KAZN: variants seen among roughly 807,000 people sequenced by gnomAD.
KAZN encodes the protein kazrin.
In KAZN, 40 loss-of-function variants were observed where a neutral mutation model predicts 87.4. The observed-to-expected ratio is 0.46, with a 90% CI of 0.36 to 0.60. The LOEUF is 0.60. KAZN is among the 20% of genes least tolerant of loss of function. The pLI, the probability that KAZN is intolerant of heterozygous loss-of-function variation, is 0.00. For missense variants in KAZN, 898 were observed against 1,073.9 expected (o/e 0.84, Z 2.29); for synonymous variants, 466 against 458.3 (o/e 1.02, Z -0.22).
intron 1 of KAZN, among the ~76,000 whole-genome samples, chr1:14,886,675 C>T (rs1374152645): frequency 2.0e-5 from 3 of 152,016 alleles, no homozygotes; most frequent in Non-Finnish European, 4.4e-5. Context: ...CATGTAATCC[C>T]AGCTACTCCG....
At chr1:14,530,417 T>C (rs547978419) in intron 2 of KAZN, among the ~76,000 whole-genome samples, 2 of 152,290 alleles carry the variant, frequency 1.3e-5, no homozygotes, top group East Asian at 3.9e-4. Context: ...TCTTTACACA[T>C]CTCGATTTGG....
intron 2 of KAZN, among the ~76,000 whole-genome samples, chr1:14,537,036 T>G (rs1672542569): frequency 2.0e-5 from 3 of 152,360 alleles, no homozygotes; most frequent in African/African-American, 4.8e-5. Flanking sequence ...TTCTGTGTCA[T>G]AGTCCAGCAC....
Position 14,215,797 on chromosome 1 carries a change from T to G in KAZN, c.249+35205T>G, listed in dbSNP as rs184303110. The stretch of plus-strand genomic sequence containing the variant: ...CTCTAATCTATGTAAACCATATTAT[T>G]CTGGCTCTCTCAAGGCTTGTGCTAT... On this transcript the variant is annotated intron_variant, in intron 2 of 16. Transcript: ENST00000636203. 5.9e-5 allele frequency among the ~76,000 whole-genome samples: 9 copies of G among 152,286 alleles called. No individual in the cohort carries two copies. The East Asian group carries it at 1.7e-3, about 29-fold the overall frequency.
intron 2 of KAZN, among the ~76,000 whole-genome samples, chr1:14,280,020 G>A (rs554508835): frequency 6.6e-6 from 1 of 152,226 alleles, no homozygotes; most frequent in East Asian, 1.9e-4. Flanking sequence ...CAGTGTCTCA[G>A]AATGTGGCCC....
At position 14,447,342 on chromosome 1, in the gene KAZN, C is replaced by T. The variant is rs1667042621; in HGVS notation, c.250-151641C>T. Among the ~76,000 whole-genome samples the T allele has an allele frequency of 2.6e-5, 4 of 151,344 alleles. No homozygotes were observed. The South Asian group carries it at 6.3e-4, about 24-fold the overall frequency. On this transcript the variant is annotated intron_variant, in intron 2 of 16. Coordinates refer to the KAZN transcript ENST00000636203. ...CAAGCTCCACCTCCTGGATTCACACCATTCTCCTGCCTCAGCCTCCCGAGT... is the reference window on the plus strand; with the variant it reads ...CAAGCTCCACCTCCTGGATTCACACTATTCTCCTGCCTCAGCCTCCCGAGT...
intron 2 of KAZN, among the ~76,000 whole-genome samples, chr1:14,549,457 C>A (rs1049797594): frequency 2.0e-5 from 3 of 152,016 alleles, no homozygotes; most frequent in Admixed American, 6.6e-5. Flanking sequence ...ACTTCTGGGC[C>A]CCCCCTTATC....
chr1:13,946,448 T>A (rs1641149668), intron 1 of KAZN, among the ~76,000 whole-genome samples: 1 of 152,174 alleles, frequency 6.6e-6, no homozygotes, highest in Non-Finnish European at 1.5e-5. Context: ...ATTTGAGGAT[T>A]AAGAAGAATC....
At chr1:14,643,459 A>G (rs1189344232) in intron 1 of KAZN, among the ~76,000 whole-genome samples, 1 of 152,212 alleles carries the variant, frequency 6.6e-6, no homozygotes, top group Non-Finnish European at 1.5e-5. Context: ...GCTAAGGATA[A>G]TGGCCTCCAG....
intron 1 of KAZN, among the ~76,000 whole-genome samples, chr1:13,999,165 T>C (rs779823750): frequency 4.6e-5 from 7 of 152,012 alleles, no homozygotes; most frequent in Non-Finnish European, 7.4e-5. Flanking sequence ...CTGGCCAACA[T>C]AGTGAAACTC....
chr1:14,884,307 G>A (rs889750845), intron 1 of KAZN, among the ~76,000 whole-genome samples: 5 of 152,030 alleles, frequency 3.3e-5, no homozygotes, highest in African/African-American at 4.8e-5. Flanking sequence ...CAGGAGAATC[G>A]CTTGAACCCG....
intron 1 of KAZN, among the ~76,000 whole-genome samples, chr1:13,961,204 G>A (rs1195957973): frequency 1.3e-5 from 2 of 152,060 alleles, no homozygotes; most frequent in African/African-American, 4.8e-5. Context: ...GAGTCTCTGT[G>A]TGTTGAACAA....
intron 1 of KAZN, among the ~76,000 whole-genome samples, chr1:14,746,190 T>C (rs1049940708): frequency 6.7e-6 from 1 of 149,606 alleles, no homozygotes; most frequent in African/African-American, 2.4e-5. Flanking sequence ...GACCCATTAG[T>C]GACACTCCAG....
At chr1:14,374,972 T>C (rs972463838) in intron 2 of KAZN, among the ~76,000 whole-genome samples, 2 of 152,152 alleles carry the variant, frequency 1.3e-5, no homozygotes, top group African/African-American at 4.8e-5. Flanking sequence ...AACTATACTT[T>C]ACCCAAACTC....
At position 15,114,599 on chromosome 1, in the gene KAZN, G is replaced by A; in HGVS notation, c.2292G>A (p.Leu764=). Residue 764 remains leucine, a synonymous_variant, in exon 15 of 15, where the codon CTG becomes CTA. Coordinates refer to ENST00000376030, the MANE Select transcript of KAZN (RefSeq NM_201628.3). ...DPQSRLEQCR[L]EGYNSLEVTN... ...AGAGCAGGCTGGAACAGTGCCGTCT[G>A]GAAGGCTACAACAGCCTGGAGGTCA... 1.3e-6 allele frequency: 2 copies of A among 1,598,444 alleles called. No homozygotes were observed. The highest frequency in any genetic ancestry group is 2.3e-5 in the East Asian group (1 of 44,188).
chr1:14,916,175 T>TG (rs1657795970), intron 1 of KAZN, among the ~76,000 whole-genome samples: 1 of 145,498 alleles, frequency 6.9e-6, no homozygotes, highest in Non-Finnish European at 1.5e-5. Context: ...TTGTTCTTTT[T>TG]TTTTTTTTTT....
At chr1:14,148,548 T>C (rs1645402082) in intron 1 of KAZN, among the ~76,000 whole-genome samples, 1 of 152,220 alleles carries the variant, frequency 6.6e-6, no homozygotes. Flanking sequence ...TAGTCTGGAA[T>C]CTTTATTTTG....
At chr1:14,464,008 A>T (rs4661288) in intron 2 of KAZN, among the ~76,000 whole-genome samples, 14,757 of 152,248 alleles carry the variant, frequency 0.097, 1,083 homozygotes, top group East Asian at 0.21. Context: ...CCTAAGGAAC[A>T]CTAGGAAGAC....
chr1:14,772,211 G>A (rs1337169899), intron 1 of KAZN, among the ~76,000 whole-genome samples: 5 of 152,130 alleles, frequency 3.3e-5, no homozygotes, highest in East Asian at 3.9e-4. Flanking sequence ...GCCTGGGTGC[G>A]GTGGCTCACG....
intron 1 of KAZN, among the ~76,000 whole-genome samples, chr1:14,163,968 G>A (rs1305896846): frequency 2.0e-5 from 3 of 152,154 alleles, no homozygotes; most frequent in Non-Finnish European, 4.4e-5. Context: ...GACATCTTCT[G>A]AGGGTACTTT....
Sources: gnomAD v4.1 joint callset for allele counts (sites outside exome capture counted in the v4.1 genomes callset) on GRCh38, gnomAD v4.1.1 for gene constraint, MANE v1.5 for transcripts, NCBI Gene and HGNC (gene_info 2026-07-23, HGNC 2026-07-21) for gene names.